Variants in CCDC144A observed in about 807,000 individuals in gnomAD.
CCDC144A encodes coiled-coil domain containing 144A.
Under a neutral mutation model 143.8 loss-of-function variants are expected in CCDC144A, and 41 were observed. The ratio of observed to expected loss-of-function variants is 0.29; its 90% CI spans 0.22 to 0.37. The LOEUF (loss-of-function observed/expected upper bound fraction) is 0.37, where lower values mean the gene tolerates loss of function less well. Among genes scored for constraint, CCDC144A ranks in the 10% least tolerant of loss-of-function variants. The pLI is 1.00. For synonymous variants in CCDC144A, 242 were observed against 517.9 expected (o/e 0.47, Z 7.23); for missense variants, 637 against 1,488.8 (o/e 0.43, Z 9.41).
chr17:16,682,119 G>C, the CCDC144A span, among the ~76,000 whole-genome samples: 3 of 151,890 alleles, frequency 2.0e-5, no homozygotes, highest in Non-Finnish European at 4.4e-5. Context: ...GGGTGGGAAG[G>C]TGAATTTGAA....
intron 2 of CCDC144A, among the ~76,000 whole-genome samples, chr17:16,696,751 C>T (rs1157779285): frequency 6.6e-6 from 1 of 151,826 alleles, no homozygotes; most frequent in Non-Finnish European, 1.5e-5. Flanking sequence ...GATGACCTAA[C>T]TAACAGTGGC....
At chr17:16,768,801 T>A (rs1166252795) in intron 15 of CCDC144A, among the ~76,000 whole-genome samples, 3 of 151,284 alleles carry the variant, frequency 2.0e-5, no homozygotes, top group East Asian at 3.9e-4. Context: ...TTTAAAAAAA[T>A]TTTCTAACTA....
chr17:16,744,952 T>A (rs1914427291), intron 12 of CCDC144A, among the ~76,000 whole-genome samples: 1 of 152,138 alleles, frequency 6.6e-6, no homozygotes, highest in African/African-American at 2.4e-5. Context: ...TTCTGTTATT[T>A]GGGCAAATTC....
chr17:16,716,921 C>T (rs967633453), intron 6 of CCDC144A, among the ~76,000 whole-genome samples: 2 of 149,522 alleles, frequency 1.3e-5, no homozygotes, highest in Non-Finnish European at 3.0e-5. Flanking sequence ...TCCCGCCATT[C>T]TCCTGCCTCA....
upstream of CCDC144A, among the ~76,000 whole-genome samples, chr17:16,688,915 C>T (rs1910889771): frequency 6.6e-6 from 1 of 152,178 alleles, no homozygotes; most frequent in South Asian, 2.1e-4. Context: ...GGATTTGAGA[C>T]TGAGCTCCCA....
chr17:16,714,643 G>GTT (rs796689053), intron 6 of CCDC144A, among the ~76,000 whole-genome samples: 1 of 144,972 alleles, frequency 6.9e-6, no homozygotes, highest in Non-Finnish European at 1.5e-5. Flanking sequence ...TAATTGGTCT[G>GTT]TTTTTTTTTT....
intron 16 of CCDC144A, 57 bp from the exon 17 acceptor site, chr17:16,773,440 C>T (rs1296490735): frequency 9.9e-6 from 15 of 1,510,988 alleles, no homozygotes; most frequent in African/African-American, 2.8e-5. Flanking sequence ...AGAGTGAGAC[C>T]CTATCTTAAA....
intron 8 of CCDC144A, among the ~76,000 whole-genome samples, chr17:16,726,537 G>A (rs1453646943): frequency 1.3e-5 from 2 of 151,546 alleles, no homozygotes; most frequent in African/African-American, 4.8e-5. Flanking sequence ...CTGCTCCTGA[G>A]GCAAGATCTT....
chr17:16,716,041 A>G (rs1164732655), intron 6 of CCDC144A, among the ~76,000 whole-genome samples: 1 of 152,166 alleles, frequency 6.6e-6, no homozygotes, highest in Non-Finnish European at 1.5e-5. Flanking sequence ...TTTAAACTGC[A>G]GTTTTCTGTT....
chr17:16,745,719 A>C (rs1914469192), intron 12 of CCDC144A: 5 of 1,613,990 alleles, frequency 3.1e-6, no homozygotes, highest in Non-Finnish European at 4.2e-6. Context: ...TCGCGCTCGG[A>C]AGTGAGCTCC....
intron 2 of CCDC144A, among the ~76,000 whole-genome samples, chr17:16,702,779 A>G (rs1179705007): frequency 6.6e-6 from 1 of 152,048 alleles, no homozygotes; most frequent in Non-Finnish European, 1.5e-5. Context: ...GCAAGTGGAT[A>G]TGATGGAGGG....
the CCDC144A span, among the ~76,000 whole-genome samples, chr17:16,678,657 T>G: frequency 6.7e-6 from 1 of 149,404 alleles, no homozygotes; most frequent in East Asian, 2.0e-4. Context: ...CACAGCTCAC[T>G]GCAGCCTTGA....
At chr17:16,747,276 T>C (rs1914579628) in intron 12 of CCDC144A, among the ~76,000 whole-genome samples, 1 of 152,176 alleles carries the variant, frequency 6.6e-6, no homozygotes, top group Non-Finnish European at 1.5e-5. Context: ...GTGTCTGTTT[T>C]TGTGCCAGTA....
At chr17:16,758,439 T>A (rs1200103343) in intron 12 of CCDC144A, among the ~76,000 whole-genome samples, 2 of 152,316 alleles carry the variant, frequency 1.3e-5, no homozygotes, top group Non-Finnish European at 1.5e-5. Flanking sequence ...AGTGCATTTC[T>A]TGTCAACACA....
intron 8 of CCDC144A, among the ~76,000 whole-genome samples, chr17:16,721,785 A>T (rs1597557074): frequency 6.6e-6 from 1 of 151,878 alleles, no homozygotes; most frequent in South Asian, 2.1e-4. Context: ...TAGACAATAC[A>T]TATGTTAAAA....
At chr17:16,674,450 G>T in the CCDC144A span, among the ~76,000 whole-genome samples, 6 of 151,452 alleles carry the variant, frequency 4.0e-5, no homozygotes, top group Non-Finnish European at 8.8e-5. Flanking sequence ...CTTAATGTAA[G>T]ATAGATAAAT....
At chr17:16,680,608 G>T in the CCDC144A span, among the ~76,000 whole-genome samples, 1 of 143,226 alleles carries the variant, frequency 7.0e-6, no homozygotes, top group Non-Finnish European at 1.5e-5. Flanking sequence ...AAAGAAAAAG[G>T]AAGGAAGGAA....
At chr17:16,729,571 T>C (rs1043379524) in intron 9 of CCDC144A, among the ~76,000 whole-genome samples, 3 of 152,178 alleles carry the variant, frequency 2.0e-5, no homozygotes, top group African/African-American at 7.2e-5. Context: ...TTCTTTTCTT[T>C]TGAGGCAGAG....
chr17:16,744,912 A>G (rs1489533010), intron 12 of CCDC144A, among the ~76,000 whole-genome samples: 1 of 152,176 alleles, frequency 6.6e-6, no homozygotes, highest in Non-Finnish European at 1.5e-5. Context: ...TGTGTGTGCT[A>G]TATCTCGTTT....
Sources: allele counts gnomAD v4.1 joint callset (sites outside exome capture counted in the v4.1 genomes callset), GRCh38; gene constraint gnomAD v4.1.1; transcripts MANE v1.5; gene names NCBI Gene and HGNC (gene_info 2026-07-23, HGNC 2026-07-21).